The following POLK variants were observed in gnomAD, a reference collection of about 807,000 sequenced individuals.
POLK encodes DNA polymerase kappa.
A neutral mutation model predicts 94.0 loss-of-function variants in POLK; 76 were observed. The ratio of observed to expected loss-of-function variants is 0.81; its 90% CI spans 0.67 to 0.98. The LOEUF is 0.98. Among genes scored for constraint, POLK ranks in the 50% least tolerant of loss-of-function variants. The pLI is 0.00. For missense variants in POLK, 954 were observed against 1,010.1 expected, an observed-to-expected ratio of 0.94 and a Z score of 0.75; for synonymous variants, 349 against 325.4, an observed-to-expected ratio of 1.07 and a Z score of -0.78.
intron 1 of POLK, among the ~76,000 whole-genome samples, chr5:75,514,267 T>C (rs1768220010): frequency 6.6e-6 from 1 of 152,116 alleles, no homozygotes; most frequent in South Asian, 2.1e-4. Context: ...GTGTAGAGAG[T>C]GAATAAATAT....
intron 12 of POLK, among the ~76,000 whole-genome samples, chr5:75,595,248 GAA>G (rs58783164): frequency 8.8e-3 from 218 of 24,878 alleles, no homozygotes; most frequent in African/African-American, 0.021. Context: ...CTCCACCTCA[GAA>G]AAAAAAAAAA....
At chr5:75,594,131 CCAACTTAACAATGGTT>C (rs1178886267) in intron 12 of POLK, 82 bp downstream of exon 12, 4 of 925,178 alleles carry the variant, frequency 4.3e-6, no homozygotes, top group Non-Finnish European at 5.0e-6. Flanking sequence ...CAGGGGGCCC[CCAACTTAACAATGGTT>C]CAACTTAATG....
At chr5:75,559,505 GTTTTTTTGTTTTGTTTTGTTTTTTTTTTT>G (rs1168108570) in intron 3 of POLK, among the ~76,000 whole-genome samples, 3 of 70,110 alleles carry the variant, frequency 4.3e-5, no homozygotes, top group South Asian at 5.8e-4. Flanking sequence ...TTTGGGGTTT[GTTTTTTTGTTTTGTTTTGTTTTTTTTTTT>G]TTTTTTTTTT....
At chr5:75,575,964 T>C (rs757208946) in intron 5 of POLK, among the ~76,000 whole-genome samples, 15 of 152,104 alleles carry the variant, frequency 9.9e-5, no homozygotes, top group Non-Finnish European at 1.9e-4. Flanking sequence ...AGCTGGAAAA[T>C]ATGCATATTA....
chr5:75,595,266 A>AAAAAAAAAAAAAAAC (rs1773014218), intron 12 of POLK, among the ~76,000 whole-genome samples: 1 of 150,464 alleles, frequency 6.6e-6, no homozygotes, highest in African/African-American at 2.4e-5. Context: ...AAAAAAAAAA[A>AAAAAAAAAAAAAAAC]AAAAAAAGCC....
At chr5:75,581,660 A>G in intron 7 of POLK, 1 of 517,784 alleles carries the variant, frequency 1.9e-6, no homozygotes, top group East Asian at 3.4e-5. Context: ...AAGGAAAAAA[A>G]AGATTATACG....
At chr5:75,589,378 TATACACAC>T (rs1232885749) in intron 10 of POLK, among the ~76,000 whole-genome samples, 143 of 103,032 alleles carry the variant, frequency 1.4e-3, no homozygotes, top group African/African-American at 5.1e-3. Flanking sequence ...ATTTTATATA[TATACACAC>T]ATACACACAC....
chr5:75,532,738 T>C (rs1769244977), intron 1 of POLK, among the ~76,000 whole-genome samples: 1 of 152,222 alleles, frequency 6.6e-6, no homozygotes, highest in Non-Finnish European at 1.5e-5. Flanking sequence ...ACTACAACTT[T>C]GCCAGCATCT....
At chr5:75,604,332 T>A (rs1317484695), downstream of POLK, among the ~76,000 whole-genome samples, 1 of 152,132 alleles carries the variant, frequency 6.6e-6, no homozygotes, top group Non-Finnish European at 1.5e-5. Context: ...AAAAACTGTT[T>A]TTGAGGAAAT....
intron 14 of POLK, 70 bp from the exon 15 acceptor site, chr5:75,597,864 C>A: frequency 8.8e-7 from 1 of 1,138,264 alleles, no homozygotes; most frequent in South Asian, 1.7e-5. Context: ...ATTAAGTAAT[C>A]AATATTAAAA....
intron 1 of POLK, chr5:75,512,180 A>G (rs1159183008): frequency 1.1e-5 from 2 of 186,348 alleles, no homozygotes; most frequent in East Asian, 2.9e-4. Flanking sequence ...TTTGTGAGCT[A>G]CTAGTGCCAA....
intron 11 of POLK, 146 bp from the exon 12 acceptor site, chr5:75,593,732 A>T: frequency 2.1e-6 from 1 of 479,704 alleles, no homozygotes; most frequent in Non-Finnish European, 3.7e-6. Context: ...AATCTTAGCT[A>T]CTCAGGAGGC....
intron 10 of POLK, among the ~76,000 whole-genome samples, chr5:75,589,824 A>T (rs1266662075): frequency 1.3e-5 from 2 of 152,106 alleles, no homozygotes; most frequent in African/African-American, 4.8e-5. Flanking sequence ...TTTTTTGCAG[A>T]TGAATTCAAA....
In POLK at chr5:75,597,728, G is replaced by T; in HGVS notation, c.2486-19G>T. The T allele has an allele frequency of 2.2e-6, 3 of 1,394,570 alleles. No individual in the cohort carries two copies. Among genetic ancestry groups the T allele is most frequent in the Non-Finnish European group, 1.9e-6 (2 of 1,038,498 alleles). 86.4% of individuals were successfully genotyped at this position (1,394,570 alleles called of 1,614,324 possible). On this transcript the variant is annotated intron_variant, in intron 13 of 14. Transcript: ENST00000241436. ...CATATTATTCATTATGGAATTTCTT[G>T]ACTTTCTTTCCTCTAAAGGTAGCTC...
chr5:75,581,409 T>G (rs779105302), exon 7 of POLK: 1 of 1,613,530 alleles, frequency 6.2e-7, no homozygotes, highest in Non-Finnish European at 8.5e-7. Context: ...GGAAATTCGT[T>G]TCAGAATTGA....
At chr5:75,522,579 A>C (rs1282650602) in intron 1 of POLK, among the ~76,000 whole-genome samples, 3 of 152,180 alleles carry the variant, frequency 2.0e-5, no homozygotes, top group Admixed American at 2.0e-4. Flanking sequence ...TATACTGCGG[A>C]AAACATTTTG....
chr5:75,568,128 C>T (rs760973458), intron 3 of POLK, among the ~76,000 whole-genome samples: 3 of 152,160 alleles, frequency 2.0e-5, no homozygotes, highest in African/African-American at 4.8e-5. Context: ...GGGAACTCCA[C>T]GTTCCATAGA....
intron 1 of POLK, among the ~76,000 whole-genome samples, chr5:75,541,317 A>G (rs1218517682): frequency 6.6e-6 from 1 of 152,128 alleles, no homozygotes. Context: ...ACCAAAAAAC[A>G]AAAACAAAAA....
Position 75,584,990 on chromosome 5 carries a change from T to C in POLK, c.1226+64T>C. ...TTTGCTGCAATATCAGTTTTAACCA[T>C]TGAGATGAGGCTATATGGATAACAT... On this transcript the variant is annotated intron_variant, in intron 9 of 14. Coordinates refer to ENST00000241436, the Ensembl canonical transcript of POLK. 10 of 1,019,410 alleles carry C rather than the reference T, an allele frequency of 9.8e-6. No individual in the cohort carries two copies. In the South Asian group the frequency reaches 1.4e-4, roughly 14 times the overall value. The allele number at this position is 1,019,410 out of a possible 1,614,324, so 63.1% of individuals were successfully genotyped here. A position where few individuals can be genotyped will look rare whatever the true frequency, so the allele number is the denominator to read the frequency against.
Sources: allele counts gnomAD v4.1 joint callset (sites outside exome capture counted in the v4.1 genomes callset), GRCh38; gene constraint gnomAD v4.1.1; transcripts MANE v1.5; gene names NCBI Gene and HGNC (gene_info 2026-07-23, HGNC 2026-07-21).